Variants in MACROD2 observed in about 807,000 individuals in gnomAD.
MACROD2 encodes the protein mono-ADP ribosylhydrolase 2, also known as ADP-ribose glycohydrolase MACROD2.
In MACROD2, 36 loss-of-function variants were observed where a neutral mutation model predicts 70.4. The observed-to-expected ratio is 0.51, with a 90% CI of 0.39 to 0.68. The LOEUF is 0.68. Among genes scored for constraint, MACROD2 ranks in the 30% least tolerant of loss-of-function variants. The pLI, the probability that MACROD2 is intolerant of heterozygous loss-of-function variation, is 0.00. For synonymous variants in MACROD2, 172 were observed against 178.8 expected (o/e 0.96, Z 0.30); for missense variants, 496 against 538.4 (o/e 0.92, Z 0.78).
chr20:14,392,098 G>T (rs970214282), intron 3 of MACROD2, among the ~76,000 whole-genome samples: 2 of 150,444 alleles, frequency 1.3e-5, no homozygotes, highest in East Asian at 1.9e-4. Context: ...TATTCCCATA[G>T]AATACATTTT....
chr20:15,021,244 G>GTGCA (rs2075176238), intron 5 of MACROD2, among the ~76,000 whole-genome samples: 1 of 10,978 alleles, frequency 9.1e-5, no homozygotes, highest in African/African-American at 3.7e-4. Context: ...ACACACCTGT[G>GTGCA]TGTATGTATA....
chr20:15,650,621 C>G (rs1321932226), intron 8 of MACROD2, among the ~76,000 whole-genome samples: 1 of 152,136 alleles, frequency 6.6e-6, no homozygotes, highest in Non-Finnish European at 1.5e-5. Context: ...TTTCCACTCA[C>G]TTTTTATAAA....
rs191534932 is a variant in MACROD2 at position 15,915,784 on chromosome 20, A to C, written c.776-17492A>C. On this transcript the variant is annotated intron_variant, in intron 10 of 17. Coordinates refer to ENST00000684519, the MANE Select transcript of MACROD2 (RefSeq NM_001351661.2). ...GGTGGAAGAGGATAGCTAGGGTAGA[A>C]GCAAAGGAAAATAAGTACAGAGGGG... Among the ~76,000 whole-genome samples the C allele has an allele frequency of 3.9e-3, 592 of 152,264 alleles. 3 individuals are homozygous for C. The highest frequency in any genetic ancestry group is 7.3e-3 in the Non-Finnish European group (498 of 68,016).
chr20:14,962,678 T>A (rs2122771035), intron 5 of MACROD2, among the ~76,000 whole-genome samples: 1 of 151,932 alleles, frequency 6.6e-6, no homozygotes, highest in Admixed American at 6.6e-5. Flanking sequence ...CTTTTCTTCA[T>A]TACTTCTTCC....
intron 2 of MACROD2, chr20:14,003,780 TAA>T (rs34857997): frequency 0.022 from 7,695 of 345,624 alleles, no homozygotes; most frequent in South Asian, 0.039. Flanking sequence ...GTACAAAGGT[TAA>T]AAAAAAAAAA....
intron 12 of MACROD2, among the ~76,000 whole-genome samples, chr20:15,943,987 T>C (rs8117004): frequency 0.61 from 92,083 of 151,894 alleles, 29,748 homozygotes; most frequent in Non-Finnish European, 0.72. Context: ...CCCATGTCTT[T>C]AGAAGTTCCT....
At chr20:14,297,154 G>A (rs1259497201) in intron 3 of MACROD2, among the ~76,000 whole-genome samples, 1 of 151,674 alleles carries the variant, frequency 6.6e-6, no homozygotes, top group Admixed American at 6.6e-5. Context: ...TCCACTGACT[G>A]GCTGTTTCCC....
At chr20:15,187,696 T>C (rs955589669) in intron 5 of MACROD2, among the ~76,000 whole-genome samples, 4 of 152,198 alleles carry the variant, frequency 2.6e-5, no homozygotes, top group African/African-American at 9.7e-5. Flanking sequence ...GAGACAGACA[T>C]GTTGTAATTA....
intron 8 of MACROD2, among the ~76,000 whole-genome samples, chr20:15,705,574 C>T (rs1224101321): frequency 5.3e-5 from 8 of 152,066 alleles, no homozygotes; most frequent in African/African-American, 1.9e-4. Context: ...CACCCTCCAC[C>T]ACGTCTGGTT....
At chr20:15,475,972 G>A (rs1490002371) in intron 7 of MACROD2, among the ~76,000 whole-genome samples, 4 of 152,214 alleles carry the variant, frequency 2.6e-5, no homozygotes, top group Admixed American at 2.6e-4. Flanking sequence ...TGCAAAAAAA[G>A]GAACCATAGG....
At chr20:15,632,471 A>G (rs988806652) in intron 8 of MACROD2, among the ~76,000 whole-genome samples, 1 of 152,230 alleles carries the variant, frequency 6.6e-6, no homozygotes, top group Non-Finnish European at 1.5e-5. Context: ...GTTAAATACA[A>G]AACATTGTGA....
At chr20:14,381,955 C>G (rs963605476) in intron 3 of MACROD2, among the ~76,000 whole-genome samples, 11 of 152,074 alleles carry the variant, frequency 7.2e-5, no homozygotes, top group Admixed American at 7.2e-4. Flanking sequence ...TTTTTGAAGT[C>G]CTGGCTCTGA....
chr20:15,908,133 T>G (rs111368712), intron 10 of MACROD2, among the ~76,000 whole-genome samples: 22 of 152,334 alleles, frequency 1.4e-4, no homozygotes, highest in African/African-American at 4.6e-4. Flanking sequence ...GTTTTTTGTT[T>G]TTTTCCTTTT....
At chr20:16,039,336 C>T (rs945149796) in intron 15 of MACROD2, among the ~76,000 whole-genome samples, 5 of 151,868 alleles carry the variant, frequency 3.3e-5, no homozygotes, top group Non-Finnish European at 5.9e-5. Flanking sequence ...ATGTGTTTTG[C>T]AGGCCATTTT....
intron 9 of MACROD2, among the ~76,000 whole-genome samples, chr20:15,868,432 C>A (rs2064524077): frequency 3.9e-5 from 6 of 152,058 alleles, no homozygotes; most frequent in Admixed American, 2.0e-4. Flanking sequence ...CTATTACTGC[C>A]CATGAATCTA....
At chr20:15,616,838 G>A (rs6043396) in intron 8 of MACROD2, among the ~76,000 whole-genome samples, 2 of 152,154 alleles carry the variant, frequency 1.3e-5, no homozygotes, top group African/African-American at 2.4e-5. Context: ...CAGTGATTCA[G>A]GTTTATGGAG....
At chr20:15,981,166 T>C (rs1477899296) in intron 13 of MACROD2, among the ~76,000 whole-genome samples, 1 of 152,198 alleles carries the variant, frequency 6.6e-6, no homozygotes, top group Non-Finnish European at 1.5e-5. Flanking sequence ...CAGCTTAGCG[T>C]AGGCTCTATG....
intron 5 of MACROD2, among the ~76,000 whole-genome samples, chr20:14,703,292 A>G (rs2327885): frequency 0.68 from 104,028 of 151,976 alleles, 36,500 homozygotes; most frequent in African/African-American, 0.83. Flanking sequence ...CAATGAACAT[A>G]GAAGAGCAAC....
At chr20:15,814,227 A>G (rs1192736706) in intron 8 of MACROD2, among the ~76,000 whole-genome samples, 2 of 152,232 alleles carry the variant, frequency 1.3e-5, no homozygotes, top group Non-Finnish European at 2.9e-5. Context: ...AGCTTCCAGT[A>G]TCTGCAACTC....
Sources: allele counts gnomAD v4.1 joint callset (sites outside exome capture counted in the v4.1 genomes callset), GRCh38; gene constraint gnomAD v4.1.1; transcripts MANE v1.5; gene names NCBI Gene and HGNC (gene_info 2026-07-23, HGNC 2026-07-21).